DMTN: variants seen among roughly 807,000 people sequenced by gnomAD.
DMTN encodes dematin actin binding protein, also known as dematin.
DMTN carries 27 observed loss-of-function variants against 59.4 expected under a neutral mutation model. The ratio of observed to expected loss-of-function variants is 0.45; its 90% CI spans 0.33 to 0.63. The LOEUF (loss-of-function observed/expected upper bound fraction) is 0.63. DMTN is among the 20% of genes least tolerant of loss of function. The pLI is 0.02. For synonymous variants in DMTN, 221 were observed against 203.7 expected (o/e 1.08, Z -0.72); for missense variants, 451 against 528.9 (o/e 0.85, Z 1.45).
At chr8:22,067,274 C>A in intron 3 of DMTN, 115 bp downstream of exon 3, 2 of 1,253,994 alleles carry the variant, frequency 1.6e-6, no homozygotes, top group African/African-American at 1.5e-5. Flanking sequence ...CCCTCCGGTG[C>A]TGGCGGGCAG....
chr8:22,066,272 G>GA (rs1554542988), intron 1 of DMTN, among the ~76,000 whole-genome samples: 1 of 152,240 alleles, frequency 6.6e-6, no homozygotes, highest in Non-Finnish European at 1.5e-5. Context: ...TCAGGTTTTG[G>GA]ATGAGGGATG....
rs756024064 is a variant in DMTN, at chr8:22,080,251, T to C, written c.900+7T>C. The C allele has an allele frequency of 6.8e-6, 11 of 1,614,024 alleles. No homozygotes were observed. Among genetic ancestry groups the C allele is most frequent in the Middle Eastern group, 1.6e-4 (1 of 6,084 alleles). On this transcript the variant is annotated splice_region_variant and intron_variant, in intron 11 of 15. Transcript: ENST00000358242. The stretch of plus-strand genomic sequence containing the variant: ...CAGGACCACCCTGAGCCGGGTAAGG[T>C]CTCAGGACCAGAGATATAGACTACG...
chr8:22,050,037 C>G (rs926362918), upstream of DMTN, among the ~76,000 whole-genome samples: 1 of 152,208 alleles, frequency 6.6e-6, no homozygotes, highest in African/African-American at 2.4e-5. Context: ...GTCCCCGGCC[C>G]TGGGACAGAC....
Position 22,080,397 on chromosome 8 carries a change from T to C in DMTN, c.901-15T>C. The C allele has an allele frequency of 6.2e-7, 1 of 1,614,212 alleles. No homozygotes were observed. The highest frequency in any genetic ancestry group is 8.5e-7 in the Non-Finnish European group (1 of 1,180,030). On this transcript the variant is annotated splice_polypyrimidine_tract_variant and intron_variant, in intron 11 of 15. Transcript: ENST00000358242. ...ATATCCCCGACTGCCTCTGATTCCT[T>C]TGTGTCCTTTCTAGCTACAGTCCAC... is the stretch of plus-strand genomic sequence containing the variant.
rs952318710 is a variant in DMTN at position 22,066,752 on chromosome 8, C to G, written c.-124C>G. ...ATGAGGACGCGCCAGCCCGGGGGAA[C>G]GCGCCAGCTGCTTTCGCGGCCCCAA... On this transcript the variant is annotated 5_prime_UTR_variant, in exon 2 of 16. Coordinates refer to ENST00000358242, the MANE Select transcript of DMTN (RefSeq NM_001387751.1). 8.9e-7 allele frequency: 1 copy of G among 1,124,302 alleles called. No individual in the cohort carries two copies. The highest frequency in any genetic ancestry group is 1.2e-6 in the Non-Finnish European group (1 of 861,896). The allele number at this position is 1,124,302 out of a possible 1,614,324, so 69.6% of individuals were successfully genotyped here. A position where few individuals can be genotyped will look rare whatever the true frequency, so the allele number is the denominator to read the frequency against.
chr8:22,065,581 G>A (rs936707902), intron 1 of DMTN, among the ~76,000 whole-genome samples: 33 of 152,170 alleles, frequency 2.2e-4, no homozygotes, highest in African/African-American at 7.9e-4. Flanking sequence ...GGTGGCTCAC[G>A]TCTGTAATCC....
rs1484340819 is a variant in DMTN at position 22,082,116 on chromosome 8, C to T, written c.*653C>T. ...CCGCCTACACACGATCCTGGCCCTC[C>T]ACCTGCCTCCAGGCCACGAAATGGG... On this transcript the variant is annotated 3_prime_UTR_variant, in exon 16 of 16. Transcript: ENST00000358242. 2.2e-6 allele frequency: 1 copy of T among 456,450 alleles called. No homozygotes were observed. The highest frequency in any genetic ancestry group is 2.3e-5 in the Admixed American group (1 of 42,574). The allele number at this position is 456,450 out of a possible 1,614,324, so 28.3% of individuals were successfully genotyped here.
At chr8:22,066,983 C>T (rs1472633546) in intron 2 of DMTN, 90 bp downstream of exon 2, 1 of 1,250,834 alleles carries the variant, frequency 8.0e-7, no homozygotes, top group Non-Finnish European at 1.0e-6. Context: ...ACCCGCCGCG[C>T]AGCGCCGCGC....
rs563490393 is a variant in DMTN at position 22,068,906 on chromosome 8, G to T, written c.250-110G>T. 2.9e-3 allele frequency: 3,718 copies of T among 1,284,404 alleles called. 7 individuals are homozygous for T. Among genetic ancestry groups the T allele is most frequent in the Non-Finnish European group, 3.7e-3 (3,304 of 887,190 alleles). 79.6% of individuals were successfully genotyped at this position (1,284,404 alleles called of 1,614,324 possible). On this transcript the variant is annotated intron_variant, in intron 4 of 15. Transcript: ENST00000358242. ...GAAAGCAGAGGTGGCCCAGAAGCTGGCCAGGAAAGTGTGCGGCTTTGGGTG... is the reference window on the plus strand; with the variant it reads ...GAAAGCAGAGGTGGCCCAGAAGCTGTCCAGGAAAGTGTGCGGCTTTGGGTG...
At chr8:22,073,176 G>A (rs571146612) in intron 9 of DMTN, among the ~76,000 whole-genome samples, 27 of 152,282 alleles carry the variant, frequency 1.8e-4, no homozygotes, top group African/African-American at 3.9e-4. Flanking sequence ...ACCAAGCAGC[G>A]CTGACTCCTG....
chr8:22,076,100 G>T (rs1819591772), intron 10 of DMTN, among the ~76,000 whole-genome samples: 1 of 152,134 alleles, frequency 6.6e-6, no homozygotes, highest in Non-Finnish European at 1.5e-5. Context: ...GACCAACTTG[G>T]AACTGAGATA....
intron 1 of DMTN, among the ~76,000 whole-genome samples, chr8:22,057,581 G>C (rs963588449): frequency 2.6e-5 from 4 of 152,204 alleles, no homozygotes; most frequent in Non-Finnish European, 5.9e-5. Context: ...TTTGGAGCCT[G>C]CTTTTTAGGG....
At position 22,081,093 on chromosome 8, in the gene DMTN, G is replaced by GGGGGTGC; in HGVS notation, c.1024-20_1024-19insGGGGTGC. 1 of 1,572,874 alleles carries GGGGGTGC rather than the reference G, an allele frequency of 6.4e-7. No homozygotes were observed. Among genetic ancestry groups the GGGGGTGC allele is most frequent in the Non-Finnish European group, 8.7e-7 (1 of 1,144,780 alleles). ...CAGGATATTCTGTGAGCCTAAGATT[G>GGGGGTGC]CCCCTCCCCCCACCCCCAGATCTAT... On this transcript the variant is annotated intron_variant, in intron 14 of 15. Coordinates refer to ENST00000358242, the MANE Select transcript of DMTN (RefSeq NM_001387751.1).
chr8:22,082,259 A>T lies in DMTN; in HGVS notation c.*796A>T, dbSNP rs1204875211. 2.2e-6 allele frequency: 1 copy of T among 456,408 alleles called. No individual in the cohort carries two copies. The highest frequency in any genetic ancestry group is 1.5e-5 in the South Asian group (1 of 64,556). 28.3% of individuals were successfully genotyped at this position (456,408 alleles called of 1,614,324 possible). A position where few individuals can be genotyped will look rare whatever the true frequency, so the allele number is the denominator to read the frequency against. ...GTCCTGGCTACCAGCTCTCACCTAC[A>T]CCCACGCACCCCCCCACACACTATG... is the stretch of plus-strand genomic sequence containing the variant. On this transcript the variant is annotated 3_prime_UTR_variant, in exon 16 of 16. Coordinates refer to ENST00000358242, the MANE Select transcript of DMTN (RefSeq NM_001387751.1).
intron 7 of DMTN, 24 bp from the exon 8 acceptor site, chr8:22,070,158 G>A: frequency 6.4e-7 from 1 of 1,565,598 alleles, no homozygotes; most frequent in South Asian, 1.2e-5. Flanking sequence ...GGCACACCTG[G>A]CTGACCCTGG....
chr8:22,081,288 CT>C, intron 15 of DMTN, 61 bp from the exon 16 acceptor site: 1 of 1,586,486 alleles, frequency 6.3e-7, no homozygotes. Flanking sequence ...TGAGTGTCCC[CT>C]AGGTCACTGG....
At position 22,082,483 on chromosome 8, in the gene DMTN, A is replaced by C. The variant is rs1172281978; in HGVS notation, c.*1020A>C. 2.3e-5 allele frequency: 7 copies of C among 299,400 alleles called. No individual in the cohort carries two copies. The East Asian group carries it at 6.1e-4, about 26-fold the overall frequency. The allele number at this position is 299,400 out of a possible 1,614,324, so 18.5% of individuals were successfully genotyped here. A position where few individuals can be genotyped will look rare whatever the true frequency, so the allele number is the denominator to read the frequency against. On this transcript the variant is annotated 3_prime_UTR_variant, in exon 16 of 16. Transcript: ENST00000358242. ...ACTGTGTGTGTGACCATGCTGGGGGAGGGGGACTCTGCTTGGAATTAAAAG... is the reference window on the plus strand; with the variant it reads ...ACTGTGTGTGTGACCATGCTGGGGGCGGGGGACTCTGCTTGGAATTAAAAG...
chr8:22,063,929 A>G (rs1201196327), intron 1 of DMTN, among the ~76,000 whole-genome samples: 1 of 152,212 alleles, frequency 6.6e-6, no homozygotes, highest in East Asian at 1.9e-4. Flanking sequence ...TGTTCTCCAT[A>G]AGACTTACCA....
intron 8 of DMTN, among the ~76,000 whole-genome samples, chr8:22,071,714 G>A (rs1048043913): frequency 6.6e-6 from 1 of 151,872 alleles, no homozygotes; most frequent in Admixed American, 6.6e-5. Context: ...TGAGTAGCTG[G>A]GACTACAGGC....
Sources: gnomAD v4.1 joint callset for allele counts (sites outside exome capture counted in the v4.1 genomes callset) on GRCh38, gnomAD v4.1.1 for gene constraint, MANE v1.5 for transcripts, NCBI Gene and HGNC (gene_info 2026-07-23, HGNC 2026-07-21) for gene names.